Variants in FMN1 observed in about 807,000 individuals in gnomAD.
The protein encoded by FMN1 is formin 1, also known as formin-1.
Under a neutral mutation model 132.4 loss-of-function variants are expected in FMN1, and 110 were observed. The observed-to-expected ratio is 0.83, with a 90% CI of 0.71 to 0.97. The LOEUF (loss-of-function observed/expected upper bound fraction) is 0.97, where lower values mean the gene tolerates loss of function less well. Among genes scored for constraint, FMN1 ranks in the 50% least tolerant of loss-of-function variants. The pLI is 0.00. For synonymous variants in FMN1, 722 were observed against 651.7 expected, an observed-to-expected ratio of 1.11 and a Z score of -1.64; for missense variants, 1,792 against 1,705.3, an observed-to-expected ratio of 1.05 and a Z score of -0.90.
At chr15:33,039,489 C>A (rs2036331313) in intron 6 of FMN1, among the ~76,000 whole-genome samples, 1 of 152,150 alleles carries the variant, frequency 6.6e-6, no homozygotes. Flanking sequence ...TATTAGACAG[C>A]TGGTTTTATG....
At chr15:33,030,842 C>CT (rs1048705986) in intron 6 of FMN1, among the ~76,000 whole-genome samples, 1 of 151,868 alleles carries the variant, frequency 6.6e-6, no homozygotes, top group African/African-American at 2.4e-5. Context: ...TATTAATATA[C>CT]TTTAAGTTCT....
intron 4 of FMN1, among the ~76,000 whole-genome samples, chr15:33,149,031 T>C (rs1964343145): frequency 7.0e-6 from 1 of 143,670 alleles, no homozygotes; most frequent in South Asian, 2.2e-4. Context: ...ATAAAAGTAG[T>C]TAAATCACTC....
chr15:33,127,430 TTAA>T (rs1963200176), intron 4 of FMN1, among the ~76,000 whole-genome samples: 1 of 152,188 alleles, frequency 6.6e-6, no homozygotes, highest in Non-Finnish European at 1.5e-5. Flanking sequence ...TTTCCTTGAG[TTAA>T]TGAGTGAACC....
At chr15:33,072,429 A>G (rs572804755) in intron 5 of FMN1, among the ~76,000 whole-genome samples, 1 of 152,186 alleles carries the variant, frequency 6.6e-6, no homozygotes, top group Non-Finnish European at 1.5e-5. Context: ...CAAAGGATAC[A>G]TGAGAAATAG....
chr15:32,990,856 A>G (rs1596412268), intron 7 of FMN1, among the ~76,000 whole-genome samples: 1 of 152,296 alleles, frequency 6.6e-6, no homozygotes, highest in South Asian at 2.1e-4. Context: ...GCCCCTTACA[A>G]AACCATCAGA....
At chr15:32,959,213 A>G (rs1464768811) in intron 9 of FMN1, among the ~76,000 whole-genome samples, 1 of 152,198 alleles carries the variant, frequency 6.6e-6, no homozygotes, top group African/African-American at 2.4e-5. Context: ...TGGTCTTCTC[A>G]TATGGGAACC....
At chr15:32,860,522 G>C (rs1413222492) in intron 16 of FMN1, among the ~76,000 whole-genome samples, 6 of 152,066 alleles carry the variant, frequency 3.9e-5, no homozygotes, top group Non-Finnish European at 8.8e-5. Context: ...GCATGGGGGT[G>C]TGCACCTGTG....
In FMN1 at chr15:32,964,048, C is replaced by CACACACACACACAT. The variant is rs753118665; in HGVS notation, c.3138+58_3138+59insATGTGTGTGTGTGT. On this transcript the variant is annotated intron_variant, in intron 9 of 20. Coordinates refer to ENST00000616417, the MANE Select transcript of FMN1 (RefSeq NM_001277313.2). ...ACACACACACACACACACACACACA[C>CACACACACACACAT]ATATATACCATTTCCCTGTATAATA... is the stretch of plus-strand genomic sequence containing the variant. The CACACACACACACAT allele has an allele frequency of 4.9e-5, 55 of 1,125,000 alleles. No individual in the cohort carries two copies. The African/African-American group carries it at 6.2e-4, about 13-fold the overall frequency. The allele number at this position is 1,125,000 out of a possible 1,614,324, so 69.7% of individuals were successfully genotyped here.
At chr15:32,956,251 T>C (rs562045970) in intron 9 of FMN1, among the ~76,000 whole-genome samples, 179 of 152,206 alleles carry the variant, frequency 1.2e-3, no homozygotes, top group Non-Finnish European at 2.3e-3. Context: ...CAGATCAAGT[T>C]ACTGTTGAAC....
intron 4 of FMN1, among the ~76,000 whole-genome samples, chr15:33,129,446 A>G (rs1053150227): frequency 2.0e-5 from 3 of 152,252 alleles, no homozygotes; most frequent in Non-Finnish European, 2.9e-5. Flanking sequence ...GAGCTTTCTC[A>G]GTACCTGCAC....
chr15:32,969,549 T>G (rs1260691375), intron 7 of FMN1, 72 bp from the exon 8 acceptor site: 2 of 1,509,202 alleles, frequency 1.3e-6, no homozygotes, highest in Non-Finnish European at 1.8e-6. Context: ...AGAAACTCAA[T>G]AATACCATCA....
intron 16 of FMN1, among the ~76,000 whole-genome samples, chr15:32,867,812 TCC>T (rs2059428516): frequency 2.0e-5 from 3 of 152,158 alleles, no homozygotes; most frequent in Non-Finnish European, 4.4e-5. Flanking sequence ...TTTTCCACCT[TCC>T]ATTCTGTGAT....
intron 5 of FMN1, among the ~76,000 whole-genome samples, chr15:33,086,226 G>C (rs960449839): frequency 8.1e-5 from 12 of 148,814 alleles, no homozygotes; most frequent in African/African-American, 1.5e-4. Flanking sequence ...GCTCCAGCCT[G>C]AGCGACAGAG....
chr15:33,140,023 A>G (rs1200261215), intron 4 of FMN1, among the ~76,000 whole-genome samples: 1 of 152,192 alleles, frequency 6.6e-6, no homozygotes, highest in Non-Finnish European at 1.5e-5. Context: ...TTTTTAAAAT[A>G]TATTAACATA....
At chr15:32,933,322 A>G (rs1215066288) in intron 9 of FMN1, among the ~76,000 whole-genome samples, 1 of 152,184 alleles carries the variant, frequency 6.6e-6, no homozygotes, top group African/African-American at 2.4e-5. Flanking sequence ...GTTTCATGCC[A>G]TTGTGGTCAG....
At chr15:32,862,872 C>T (rs989404232) in intron 16 of FMN1, among the ~76,000 whole-genome samples, 2 of 152,150 alleles carry the variant, frequency 1.3e-5, no homozygotes, top group African/African-American at 4.8e-5. Flanking sequence ...GTTCTCTCTT[C>T]TTCCCTGTCT....
intron 6 of FMN1, among the ~76,000 whole-genome samples, chr15:33,025,915 A>G (rs1360298363): frequency 1.3e-5 from 2 of 152,206 alleles, no homozygotes; most frequent in East Asian, 3.8e-4. Flanking sequence ...AATGCACACC[A>G]TTACCCACAT....
At chr15:32,848,946 C>G (rs765198574) in intron 17 of FMN1, among the ~76,000 whole-genome samples, 6 of 145,606 alleles carry the variant, frequency 4.1e-5, no homozygotes, top group Non-Finnish European at 9.0e-5. Flanking sequence ...TGAGGACCAG[C>G]TGAATATCAG....
intron 4 of FMN1, among the ~76,000 whole-genome samples, chr15:33,139,385 A>T (rs1418087342): frequency 6.6e-6 from 1 of 152,194 alleles, no homozygotes; most frequent in Non-Finnish European, 1.5e-5. Flanking sequence ...TCACAAGGTC[A>T]GGAGATCCAG....
Sources: gnomAD v4.1 joint callset for allele counts (sites outside exome capture counted in the v4.1 genomes callset) on GRCh38, gnomAD v4.1.1 for gene constraint, MANE v1.5 for transcripts, NCBI Gene and HGNC (gene_info 2026-07-23, HGNC 2026-07-21) for gene names.